PLB1: variants seen among roughly 807,000 people sequenced by gnomAD.
PLB1 encodes phospholipase B1, also known as phospholipase B1, membrane-associated.
A neutral mutation model predicts 227.4 loss-of-function variants in PLB1; 242 were observed. The ratio of observed to expected loss-of-function variants is 1.06; its 90% CI spans 0.96 to 1.18. PLB1 has a LOEUF of 1.18. PLB1 is among the 50% of genes most tolerant of loss of function. The pLI is 0.00. For synonymous variants in PLB1, 757 were observed against 682.2 expected, an observed-to-expected ratio of 1.11 and a Z score of -1.71; for missense variants, 1,858 against 1,816.3, an observed-to-expected ratio of 1.02 and a Z score of -0.42.
chr2:28,606,375 G>A, intron 42 of PLB1, 121 bp from the exon 43 acceptor site: 1 of 970,302 alleles, frequency 1.0e-6, no homozygotes, highest in Non-Finnish European at 1.6e-6. Context: ...AGCCAGAAGT[G>A]GGAGCCAAGC....
intron 43 of PLB1, among the ~76,000 whole-genome samples, chr2:28,607,015 A>T (rs1203357588): frequency 6.6e-6 from 1 of 152,138 alleles, no homozygotes. Flanking sequence ...TTCCACAAGG[A>T]AAGGATCACA....
At chr2:28,595,031 AC>A (rs541271083) in intron 33 of PLB1, 7 of 152,176 alleles carry the variant, frequency 4.6e-5, no homozygotes, top group Non-Finnish European at 1.0e-4. Context: ...GGTGATAGAT[AC>A]GCGACGTGCA....
At chr2:28,577,155 A>G (rs146267206) in intron 21 of PLB1, among the ~76,000 whole-genome samples, 10 of 152,348 alleles carry the variant, frequency 6.6e-5, no homozygotes, top group Non-Finnish European at 1.3e-4. Context: ...GAGGATTTGC[A>G]GGATCAAGTA....
chr2:28,597,994 A>G lies in PLB1; in HGVS notation c.2322-11A>G. On this transcript the variant is annotated splice_polypyrimidine_tract_variant and intron_variant, in intron 33 of 57. Transcript: ENST00000327757. The stretch of plus-strand genomic sequence containing the variant: ...CTCCCTCTCATTCACTGGCTTGCTC[A>G]CTCCCTACAGTGCAGGAGGGGACGG... The G allele has an allele frequency of 2.5e-6, 4 of 1,611,154 alleles. No individual in the cohort carries two copies. Among genetic ancestry groups the G allele is most frequent in the Non-Finnish European group, 3.4e-6 (4 of 1,177,506 alleles).
At chr2:28,520,036 C>T (rs1323863589) in intron 4 of PLB1, among the ~76,000 whole-genome samples, 1 of 152,100 alleles carries the variant, frequency 6.6e-6, no homozygotes, top group African/African-American at 2.4e-5. Flanking sequence ...TCAAGTGATT[C>T]TCCTGCCTCA....
intron 24 of PLB1, 57 bp downstream of exon 24, chr2:28,582,190 A>G: frequency 6.4e-7 from 1 of 1,557,244 alleles, no homozygotes; most frequent in East Asian, 2.2e-5. Context: ...GCCTAGAGGA[A>G]GCTCTGGCAT....
chr2:28,505,090 G>A (rs1667506792), intron 1 of PLB1, among the ~76,000 whole-genome samples: 1 of 152,174 alleles, frequency 6.6e-6, no homozygotes, highest in Non-Finnish European at 1.5e-5. Context: ...CAGGCTCTAT[G>A]ATAAGCACAG....
intron 8 of PLB1, among the ~76,000 whole-genome samples, chr2:28,530,090 C>T (rs1237221246): frequency 6.6e-6 from 1 of 152,116 alleles, no homozygotes; most frequent in Non-Finnish European, 1.5e-5. Flanking sequence ...AACTCCTGGG[C>T]TCAAGCCATC....
At position 28,540,353 on chromosome 2, in the gene PLB1, T is replaced by C. The variant is rs1262719811; in HGVS notation, c.699-13T>C. On this transcript the variant is annotated splice_polypyrimidine_tract_variant and intron_variant, in intron 11 of 57. Coordinates refer to ENST00000327757, the MANE Select transcript of PLB1 (RefSeq NM_153021.5). The stretch of plus-strand genomic sequence containing the variant: ...CCTCCCCTCTCTCATTCCTGGTGTG[T>C]TTTAACCTGCAGCCCTGCACCAGAG... 1 of 1,613,276 alleles carries C rather than the reference T, an allele frequency of 6.2e-7. No individual in the cohort carries two copies. The highest frequency in any genetic ancestry group is 1.7e-5 in the Admixed American group (1 of 60,024).
At chr2:28,640,903 G>A (rs776971692) in intron 56 of PLB1, 24 bp from the exon 57 acceptor site, 15 of 1,605,440 alleles carry the variant, frequency 9.3e-6, no homozygotes, top group Admixed American at 6.7e-5. Context: ...GGAGAGAATC[G>A]AGGTGTCCTT....
At position 28,540,348 on chromosome 2, in the gene PLB1, G is replaced by A. The variant is rs781530495; in HGVS notation, c.699-18G>A. On this transcript the variant is annotated intron_variant, in intron 11 of 57. Coordinates refer to ENST00000327757, the MANE Select transcript of PLB1 (RefSeq NM_153021.5). Reference sequence around the variant, plus strand: ...CACTGCCTCCCCTCTCTCATTCCTGGTGTGTTTTAACCTGCAGCCCTGCAC... The same window carrying A: ...CACTGCCTCCCCTCTCTCATTCCTGATGTGTTTTAACCTGCAGCCCTGCAC... The A allele has an allele frequency of 6.2e-7, 1 of 1,611,430 alleles. No individual in the cohort carries two copies. Among genetic ancestry groups the A allele is most frequent in the East Asian group, 2.2e-5 (1 of 44,858 alleles).
chr2:28,630,574 C>G lies in PLB1; in HGVS notation c.3819-12C>G. ...CCCAGGCAGCCTCAATACAACACTCCCTGTCTCACAGGAACAACTGCACTT... is the reference window on the plus strand; with the variant it reads ...CCCAGGCAGCCTCAATACAACACTCGCTGTCTCACAGGAACAACTGCACTT... On this transcript the variant is annotated splice_polypyrimidine_tract_variant and intron_variant, in intron 53 of 57. Coordinates refer to ENST00000327757, the MANE Select transcript of PLB1 (RefSeq NM_153021.5). 1 of 1,612,574 alleles carries G rather than the reference C, an allele frequency of 6.2e-7. No homozygotes were observed. The highest frequency in any genetic ancestry group is 1.3e-5 in the African/African-American group (1 of 75,000).
At chr2:28,528,992 G>A in intron 6 of PLB1, among the ~76,000 whole-genome samples, 1 of 144,922 alleles carries the variant, frequency 6.9e-6, no homozygotes, top group Non-Finnish European at 1.5e-5. Context: ...CTGTTGCCCA[G>A]GCTGGAGTGC....
At chr2:28,585,267 G>T (rs1408283448) in intron 25 of PLB1, among the ~76,000 whole-genome samples, 1 of 151,888 alleles carries the variant, frequency 6.6e-6, no homozygotes, top group African/African-American at 2.4e-5. Context: ...CCAGGTCTAG[G>T]AATTTTTCTT....
chr2:28,579,105 C>T (rs560702979), intron 22 of PLB1, among the ~76,000 whole-genome samples: 6 of 152,200 alleles, frequency 3.9e-5, no homozygotes, highest in African/African-American at 1.4e-4. Context: ...AGAGCTGCCA[C>T]CTTACCCTAC....
chr2:28,602,023 A>AT, intron 38 of PLB1, 59 bp downstream of exon 38: 2 of 1,376,790 alleles, frequency 1.5e-6, no homozygotes, highest in Non-Finnish European at 2.1e-6. Context: ...GTGAAGGTGG[A>AT]TGGGGGGAAA....
chr2:28,601,386 C>T (rs1683857462), intron 37 of PLB1, 54 bp downstream of exon 37: 7 of 1,456,322 alleles, frequency 4.8e-6, no homozygotes, highest in East Asian at 2.3e-5. Flanking sequence ...GCCCAGTAGG[C>T]GTTGGAGATC....
intron 26 of PLB1, among the ~76,000 whole-genome samples, chr2:28,586,947 C>G (rs1681001796): frequency 6.6e-6 from 1 of 152,102 alleles, no homozygotes. Flanking sequence ...TTGGGTTTCA[C>G]TATGTTGCCC....
intron 36 of PLB1, 141 bp from the exon 37 acceptor site, chr2:28,601,109 CTA>C: frequency 1.3e-6 from 1 of 778,422 alleles, no homozygotes; most frequent in Non-Finnish European, 2.1e-6. Context: ...AAATAAACCT[CTA>C]AAATTCCTTC....
Sources: gnomAD v4.1 joint callset for allele counts (sites outside exome capture counted in the v4.1 genomes callset) on GRCh38, gnomAD v4.1.1 for gene constraint, MANE v1.5 for transcripts, NCBI Gene and HGNC (gene_info 2026-07-23, HGNC 2026-07-21) for gene names.